Variants in FAM13B observed in about 807,000 individuals in gnomAD.
FAM13B encodes the protein family with sequence similarity 13 member B, also known as protein FAM13B.
A neutral mutation model predicts 117.3 loss-of-function variants in FAM13B; 60 were observed. That is an observed-to-expected ratio of 0.51 (90% CI 0.42 to 0.63). The LOEUF (loss-of-function observed/expected upper bound fraction) is 0.63. Among genes scored for constraint, FAM13B ranks in the 30% least tolerant of loss-of-function variants. The pLI, the probability that FAM13B is intolerant of heterozygous loss-of-function variation, is 0.00. For synonymous variants in FAM13B, 332 were observed against 356.1 expected, an observed-to-expected ratio of 0.93 and a Z score of 0.76; for missense variants, 972 against 1,091.9, an observed-to-expected ratio of 0.89 and a Z score of 1.55.
intron 1 of FAM13B, 82 bp downstream of exon 1, chr5:138,032,700 C>CG: frequency 1.0e-6 from 1 of 984,762 alleles, no homozygotes; most frequent in South Asian, 4.7e-5. Flanking sequence ...GCAGGCGGCG[C>CG]TGGGGGGCAA....
At chr5:137,969,989 G>A (rs1040921510) in intron 10 of FAM13B, among the ~76,000 whole-genome samples, 7 of 152,204 alleles carry the variant, frequency 4.6e-5, no homozygotes, top group African/African-American at 1.7e-4. Flanking sequence ...TCTGATTGGT[G>A]TACCTGCAAG....
At chr5:137,945,074 G>A (rs1763077960) in intron 20 of FAM13B, among the ~76,000 whole-genome samples, 1 of 151,650 alleles carries the variant, frequency 6.6e-6, no homozygotes, top group Non-Finnish European at 1.5e-5. Context: ...TAATTAAACT[G>A]CACATATACC....
intron 10 of FAM13B, among the ~76,000 whole-genome samples, chr5:137,970,480 C>T (rs1771744695): frequency 6.6e-6 from 1 of 151,992 alleles, no homozygotes; most frequent in Non-Finnish European, 1.5e-5. Context: ...TGGAAAGGAA[C>T]AACCGGTACC....
At position 138,025,304 on chromosome 5, in the gene FAM13B, TATATA is replaced by T. The variant is rs869281911; in HGVS notation, c.-202-4112_-202-4108del. 1.8e-3 allele frequency among the ~76,000 whole-genome samples: 219 copies of T among 124,626 alleles called. 11 individuals are homozygous for T. The East Asian group carries it at 0.024, about 14-fold the overall frequency. 81.8% of individuals were successfully genotyped at this position (124,626 alleles called of 152,430 possible). A position where few individuals can be genotyped will look rare whatever the true frequency, so the allele number is the denominator to read the frequency against. On this transcript the variant is annotated intron_variant, in intron 1 of 23. Transcript: ENST00000689681. ...AAACAAAGCCATATATATATATATA[TATATA>T]TGTATTTTTTTTTTTTTTTTTTTTG...
intron 10 of FAM13B, among the ~76,000 whole-genome samples, chr5:137,968,238 A>T (rs1429393396): frequency 7.0e-6 from 1 of 143,438 alleles, no homozygotes; most frequent in Non-Finnish European, 1.5e-5. Context: ...AAAAAAAGTC[A>T]ATGTAAAAGA....
intron 18 of FAM13B, among the ~76,000 whole-genome samples, chr5:137,948,673 C>T (rs891348972): frequency 6.6e-6 from 1 of 152,198 alleles, no homozygotes; most frequent in Admixed American, 6.5e-5. Context: ...GGAATTGAGG[C>T]ATGAGCTACC....
chr5:137,963,143 G>T (rs1174580742), intron 10 of FAM13B, among the ~76,000 whole-genome samples: 1 of 152,136 alleles, frequency 6.6e-6, no homozygotes, highest in Non-Finnish European at 1.5e-5. Flanking sequence ...CACTTGTCCA[G>T]CTTTGTTTAG....
intron 1 of FAM13B, among the ~76,000 whole-genome samples, chr5:138,027,749 G>A (rs1788823373): frequency 6.6e-6 from 1 of 152,206 alleles, no homozygotes. Flanking sequence ...ATCTCATCTA[G>A]AATTGTAATC....
rs1295084926 is a variant in FAM13B at position 138,018,311 on chromosome 5, G to A, written c.361C>T (p.Leu121Phe). ...TATCAAATTATGTTACCTTGAGAAA[G>A]CTGCATCAAGTGAATATGTAAACTG... ...PGSLHIHLMQ[L>F]SQDYNNEDEF... Residue 121 changes from leucine (L) to phenylalanine (F), a missense_variant, in exon 4 of 24, where the codon CTT becomes TTT. Physicochemically the swap from Leu to Phe is conservative, Grantham distance 22 (BLOSUM62 0). Transcript: ENST00000689681. The A allele has an allele frequency of 6.2e-7, 1 of 1,613,136 alleles. No homozygotes were observed.
intron 14 of FAM13B, 183 bp from the exon 15 acceptor site, chr5:137,954,559 C>T: frequency 3.2e-6 from 1 of 316,694 alleles, no homozygotes; most frequent in Non-Finnish European, 5.6e-6. Flanking sequence ...TATATATAAT[C>T]TTCATAAAGC....
At position 137,939,730 on chromosome 5, in the gene FAM13B, T is replaced by C; in HGVS notation, c.*495A>G. The C allele has an allele frequency of 2.2e-6, 1 of 452,424 alleles. No homozygotes were observed. Among genetic ancestry groups the C allele is most frequent in the Non-Finnish European group, 3.0e-6 (1 of 330,930 alleles). 28.0% of individuals were successfully genotyped at this position (452,424 alleles called of 1,614,324 possible). ...TTGAAATCTCAGTTTGATTTTGGTTTTCTAGGAAAACAGAGAACACAGTTG... is the reference window on the plus strand; with the variant it reads ...TTGAAATCTCAGTTTGATTTTGGTTCTCTAGGAAAACAGAGAACACAGTTG... On this transcript the variant is annotated 3_prime_UTR_variant, in exon 24 of 24. Transcript: ENST00000689681.
chr5:138,018,442 T>A lies in FAM13B; in HGVS notation c.230A>T (p.Tyr77Phe). The A allele has an allele frequency of 6.2e-7, 1 of 1,614,164 alleles. No individual in the cohort carries two copies. Among genetic ancestry groups the A allele is most frequent in the Non-Finnish European group, 8.5e-7 (1 of 1,180,020 alleles). The change falls in exon 4 of 24, where the codon TAC (tyrosine) becomes TTC (phenylalanine). Residue 77 changes from tyrosine (Y) to phenylalanine (F), a missense_variant. Tyr to Phe is a conservative substitution (Grantham distance 22). Transcript: ENST00000689681. ...AETVEWLRQR[Y>F]DSGEEVDLVK... ...CAAATCCACCTCTTCTCCGCTGTCG[T>A]ATCTCTGCCGAAGCCACTCCACTGT...
chr5:137,943,134 T>G lies in FAM13B; in HGVS notation c.2423A>C (p.Lys808Thr). Residue 808 changes from lysine to threonine, a missense_variant and splice_region_variant, in exon 21 of 24, where the codon AAG (lysine) becomes ACG (threonine). Lys to Thr is a moderately conservative substitution (Grantham distance 78). Transcript: ENST00000689681. ...ATAATTATTTCTTTAAAGGATTACC[T>G]TGATTTCTTCAAAAAAATGTGCAGT... ...GETAHFFEEIKEEEEDGVNLS... is the reference protein window; with the variant it reads ...GETAHFFEEITEEEEDGVNLS... 1.2e-6 allele frequency: 2 copies of G among 1,614,060 alleles called. No homozygotes were observed. Among genetic ancestry groups the G allele is most frequent in the Non-Finnish European group, 1.7e-6 (2 of 1,179,908 alleles).
intron 10 of FAM13B, among the ~76,000 whole-genome samples, chr5:137,971,405 G>T (rs916628966): frequency 6.6e-6 from 1 of 151,148 alleles, no homozygotes; most frequent in Admixed American, 6.6e-5. Flanking sequence ...GATGTTCTTT[G>T]AAACCAACGA....
In FAM13B at chr5:138,047,366, C is replaced by T. The variant is rs372292644; in HGVS notation, c.-203+4512G>A. On this transcript the variant is annotated intron_variant, in intron 1 of 3. Coordinates refer to the FAM13B transcript ENST00000502471. The stretch of plus-strand genomic sequence containing the variant: ...CTAAAAAAAAAAAAAATTAGTAGGG[C>T]GTGGTAGCACACGCCTGTAGTCCCA... 5.8e-3 allele frequency among the ~76,000 whole-genome samples: 885 copies of T among 151,498 alleles called. 11 individuals carry two copies. The highest frequency in any genetic ancestry group is 5.7e-3 in the Non-Finnish European group (384 of 67,852).
intron 1 of FAM13B, among the ~76,000 whole-genome samples, chr5:138,044,592 C>T (rs1034486488): frequency 5.3e-5 from 8 of 150,054 alleles, no homozygotes; most frequent in Non-Finnish European, 1.2e-4. Flanking sequence ...ACAATGTCTT[C>T]GTGATTCTTA....
intron 17 of FAM13B, among the ~76,000 whole-genome samples, chr5:137,949,876 C>T (rs1764464592): frequency 6.6e-6 from 1 of 151,584 alleles, no homozygotes. Flanking sequence ...GTGGGAAGAC[C>T]ACATTGAGCC....
intron 1 of FAM13B, among the ~76,000 whole-genome samples, chr5:138,023,662 A>G (rs1197799116): frequency 6.6e-6 from 1 of 152,090 alleles, no homozygotes; most frequent in Non-Finnish European, 1.5e-5. Flanking sequence ...CAACCTCCCC[A>G]GACCTACGTG....
intron 10 of FAM13B, among the ~76,000 whole-genome samples, chr5:137,966,663 G>A (rs961495367): frequency 2.0e-5 from 3 of 151,782 alleles, no homozygotes; most frequent in Admixed American, 1.3e-4. Context: ...TATGTCATTA[G>A]GAAACTCAAA....
Sources: gnomAD v4.1 joint callset for allele counts (sites outside exome capture counted in the v4.1 genomes callset) on GRCh38, gnomAD v4.1.1 for gene constraint, MANE v1.5 for transcripts, NCBI Gene and HGNC (gene_info 2026-07-23, HGNC 2026-07-21) for gene names.